The following NHERF1 variants were observed in gnomAD, a reference collection of about 807,000 sequenced individuals.
NHERF1 encodes the protein Na(+)/H(+) exchange regulatory cofactor NHE-RF1.
the NHERF1 span, among the ~76,000 whole-genome samples, chr17:74,757,700 C>T: frequency 6.6e-6 from 1 of 152,176 alleles, no homozygotes; most frequent in East Asian, 1.9e-4. Flanking sequence ...AGCTGTCTCC[C>T]AGAGCAAATA....
At chr17:74,749,319 T>G in the NHERF1 span, 2 of 1,515,408 alleles carry the variant, frequency 1.3e-6, no homozygotes, top group African/African-American at 2.8e-5. This position sits in a 1 kb window ranked among gnomAD's most constrained non-coding sequence, Gnocchi z 5.6. Context: ...CAGGCTGGCA[T>G]GGAGTGGGAG....
chr17:74,757,788 C>T, the NHERF1 span, among the ~76,000 whole-genome samples: 244 of 152,330 alleles, frequency 1.6e-3, 4 homozygotes, highest in East Asian at 0.041. Context: ...CTGCCCCCGC[C>T]GTCCTGCCCC....
the NHERF1 span, chr17:74,762,047 G>C: frequency 6.2e-7 from 1 of 1,614,136 alleles, no homozygotes; most frequent in Non-Finnish European, 8.5e-7. This position sits in a 1 kb window ranked among gnomAD's most constrained non-coding sequence, Gnocchi z 4.2. Flanking sequence ...CCATGAAGAA[G>C]GGCCCCAGTG....
chr17:74,760,678 C>T, the NHERF1 span, among the ~76,000 whole-genome samples: 1 of 152,202 alleles, frequency 6.6e-6, no homozygotes, highest in East Asian at 1.9e-4. The surrounding 1 kb of genome is among the most constrained non-coding windows in gnomAD (Gnocchi z 4.5). Context: ...ACCAGAATCT[C>T]ACTCCCAGCT....
the NHERF1 span, chr17:74,768,825 G>A: frequency 1.6e-6 from 1 of 641,068 alleles, no homozygotes; most frequent in Admixed American, 2.8e-5. Flanking sequence ...TTTAGGGAAG[G>A]TGAATGTGTT....
At chr17:74,765,334 C>T in the NHERF1 span, among the ~76,000 whole-genome samples, 3 of 151,908 alleles carry the variant, frequency 2.0e-5, no homozygotes, top group African/African-American at 4.8e-5. Context: ...GATCTCGGCT[C>T]ACAGCAACAT....
At chr17:74,758,035 G>A in the NHERF1 span, among the ~76,000 whole-genome samples, 11 of 152,172 alleles carry the variant, frequency 7.2e-5, no homozygotes, top group African/African-American at 2.4e-4. The surrounding 1 kb of genome is among the most constrained non-coding windows in gnomAD (Gnocchi z 4.3). Flanking sequence ...CCATCACCAT[G>A]GCATCAGCCA....
chr17:74,748,965 G>A, the NHERF1 span: 2 of 1,607,122 alleles, frequency 1.2e-6, no homozygotes, highest in South Asian at 1.1e-5. This position sits in a 1 kb window ranked among gnomAD's most constrained non-coding sequence, Gnocchi z 4.3. Context: ...CAGTACATCC[G>A]GCTGGTGGAG....
At chr17:74,754,505 C>T in the NHERF1 span, among the ~76,000 whole-genome samples, 27 of 149,516 alleles carry the variant, frequency 1.8e-4, no homozygotes, top group African/African-American at 6.4e-4. Flanking sequence ...CAAGTTCAAG[C>T]AATTGTCCTG....
the NHERF1 span, chr17:74,766,981 G>T: frequency 6.2e-7 from 1 of 1,613,856 alleles, no homozygotes; most frequent in South Asian, 1.1e-5. Flanking sequence ...CAGAAGGTAA[G>T]GGCGGGTCCC....
the NHERF1 span, among the ~76,000 whole-genome samples, chr17:74,756,085 C>G: frequency 1.3e-5 from 2 of 150,204 alleles, no homozygotes; most frequent in Non-Finnish European, 3.0e-5. Flanking sequence ...TCCCAAGTAG[C>G]TGTGCACCAC....
At chr17:74,755,935 T>C in the NHERF1 span, among the ~76,000 whole-genome samples, 3 of 151,744 alleles carry the variant, frequency 2.0e-5, no homozygotes, top group Admixed American at 6.6e-5. Context: ...AAATAAAATA[T>C]TCAATTCTAC....
the NHERF1 span, chr17:74,748,721 G>A: frequency 1.6e-3 from 1,342 of 839,046 alleles, 3 homozygotes; most frequent in Admixed American, 2.8e-3. The surrounding 1 kb of genome is among the most constrained non-coding windows in gnomAD (Gnocchi z 4.3). Context: ...TGCTTGCTTG[G>A]CCCGTCCGGC....
chr17:74,767,901 C>T, the NHERF1 span: 1 of 625,548 alleles, frequency 1.6e-6, no homozygotes, highest in Non-Finnish European at 3.0e-6. Flanking sequence ...TCAGCTAATC[C>T]CATGATGGTC....
the NHERF1 span, among the ~76,000 whole-genome samples, chr17:74,753,826 A>G: frequency 4.6e-5 from 7 of 152,012 alleles, no homozygotes; most frequent in South Asian, 8.3e-4. Context: ...TCCCATCTCA[A>G]TGGTCCCTGG....
the NHERF1 span, among the ~76,000 whole-genome samples, chr17:74,759,321 C>T: frequency 6.6e-6 from 1 of 152,264 alleles, no homozygotes; most frequent in Admixed American, 6.5e-5. Context: ...CCTTGAACTG[C>T]ACGACTTGGT....
the NHERF1 span, among the ~76,000 whole-genome samples, chr17:74,754,702 C>T: frequency 0.01 from 1,593 of 152,294 alleles, 31 homozygotes; most frequent in African/African-American, 0.036. Context: ...TGGTTTCAAA[C>T]TCCTGACCTC....
the NHERF1 span, among the ~76,000 whole-genome samples, chr17:74,764,200 G>A: frequency 6.6e-6 from 1 of 152,244 alleles, no homozygotes; most frequent in Non-Finnish European, 1.5e-5. This position sits in a 1 kb window ranked among gnomAD's most constrained non-coding sequence, Gnocchi z 4.9. Flanking sequence ...AGCGGGCAGG[G>A]GTGCTCACTG....
the NHERF1 span, among the ~76,000 whole-genome samples, chr17:74,762,410 C>G: frequency 6.6e-6 from 1 of 152,138 alleles, no homozygotes; most frequent in Non-Finnish European, 1.5e-5. This position sits in a 1 kb window ranked among gnomAD's most constrained non-coding sequence, Gnocchi z 4.2. Context: ...TGGACTCCTC[C>G]TTGCCAAGCA....
Sources: gnomAD v4.1 joint callset for allele counts (sites outside exome capture counted in the v4.1 genomes callset) on GRCh38, gnomAD v4.1.1 for gene constraint, Gnocchi (gnomAD v3.1) non-coding constraint, MANE v1.5 for transcripts, NCBI Gene and HGNC (gene_info 2026-07-23, HGNC 2026-07-21) for gene names.